ADAMTS6: variants seen among roughly 807,000 people sequenced by gnomAD.
ADAMTS6 encodes the protein ADAM metallopeptidase with thrombospondin type 1 motif 6.
Under a neutral mutation model 144.3 loss-of-function variants are expected in ADAMTS6, and 23 were observed. That is an observed-to-expected ratio of 0.16 (90% CI 0.11 to 0.23). ADAMTS6 has a LOEUF of 0.23. Among genes scored for constraint, ADAMTS6 ranks in the 10% least tolerant of loss-of-function variants. ADAMTS6 has a pLI of 1.00. For synonymous variants in ADAMTS6, 444 were observed against 457.5 expected, an observed-to-expected ratio of 0.97 and a Z score of 0.38; for missense variants, 999 against 1,379.6, an observed-to-expected ratio of 0.72 and a Z score of 4.37.
chr5:65,415,040 TAA>T (rs2150188463), intron 7 of ADAMTS6, among the ~76,000 whole-genome samples: 1 of 152,282 alleles, frequency 6.6e-6, no homozygotes, highest in South Asian at 2.1e-4. Flanking sequence ...TCAACAAAGT[TAA>T]AAGTCAATAT....
At chr5:65,302,826 G>GT (rs1459951597) in intron 9 of ADAMTS6, among the ~76,000 whole-genome samples, 1 of 151,990 alleles carries the variant, frequency 6.6e-6, no homozygotes, top group East Asian at 1.9e-4. Flanking sequence ...ACGTATCCCT[G>GT]TTTCATGTTA....
intron 21 of ADAMTS6, among the ~76,000 whole-genome samples, chr5:65,194,513 A>G (rs762748419): frequency 6.5e-4 from 99 of 152,202 alleles, no homozygotes; most frequent in Non-Finnish European, 1.1e-3. Flanking sequence ...AATGCATTTC[A>G]ACTTGCAATG....
intron 9 of ADAMTS6, among the ~76,000 whole-genome samples, chr5:65,302,103 A>AT (rs745459038): frequency 8.4e-6 from 1 of 118,622 alleles, no homozygotes; most frequent in African/African-American, 3.8e-5. Context: ...AAAAAAAAAA[A>AT]AAAAATATAT....
chr5:65,290,047 C>T (rs552709757), intron 11 of ADAMTS6, among the ~76,000 whole-genome samples: 8 of 152,110 alleles, frequency 5.3e-5, no homozygotes, highest in African/African-American at 1.7e-4. Flanking sequence ...TATAATCACA[C>T]ACAATCTTTC....
intron 7 of ADAMTS6, among the ~76,000 whole-genome samples, chr5:65,335,762 ATAGT>A (rs775714256): frequency 5.9e-5 from 9 of 152,158 alleles, no homozygotes; most frequent in Admixed American, 1.3e-4. Context: ...AAATGTAAAA[ATAGT>A]TAGAGTTACA....
intron 1 of ADAMTS6, among the ~76,000 whole-genome samples, chr5:65,478,382 T>C (rs1317859381): frequency 6.6e-6 from 1 of 152,340 alleles, no homozygotes; most frequent in African/African-American, 2.4e-5. Flanking sequence ...TTAAATTGTA[T>C]AGCAGAAACA....
chr5:65,426,659 T>C (rs962426666), intron 7 of ADAMTS6, among the ~76,000 whole-genome samples: 7 of 151,996 alleles, frequency 4.6e-5, no homozygotes, highest in Non-Finnish European at 5.9e-5. Context: ...CTTAAGAACT[T>C]GTAGATATGA....
chr5:65,470,988 C>G lies in ADAMTS6; in HGVS notation c.252G>C (p.Lys84Asn), dbSNP rs986805105. 6.2e-7 allele frequency: 1 copy of G among 1,612,968 alleles called. No individual in the cohort carries two copies. Among genetic ancestry groups the G allele is most frequent in the Non-Finnish European group, 8.5e-7 (1 of 1,179,590 alleles). Residue 84 changes from lysine to asparagine, a missense_variant, in exon 3 of 25, where the codon AAG (lysine) becomes AAC (asparagine). Around this residue, in one of 3 missense-constraint regions of ADAMTS6, gnomAD observed 252 missense variants for 293.7 expected, o/e 0.86. Coordinates refer to ENST00000381055, the MANE Select transcript of ADAMTS6 (RefSeq NM_197941.4). ...DPIDPQQAVS[K>N]LFFKLSAYGK... Reference sequence around the variant, plus strand: ...CATAGGCTGAAAGTTTAAAAAATAACTTAGATACTGCCTGCTGTGGATCAA... The same window carrying G: ...CATAGGCTGAAAGTTTAAAAAATAAGTTAGATACTGCCTGCTGTGGATCAA...
At chr5:65,351,830 A>G (rs1285571576) in intron 7 of ADAMTS6, among the ~76,000 whole-genome samples, 2 of 152,184 alleles carry the variant, frequency 1.3e-5, no homozygotes, top group African/African-American at 2.4e-5. Flanking sequence ...GAAGAAGAAG[A>G]AGGAAAAAAC....
At chr5:65,415,322 GAC>G (rs1246803677) in intron 7 of ADAMTS6, 1 of 154,316 alleles carries the variant, frequency 6.5e-6, no homozygotes, top group African/African-American at 2.4e-5. Flanking sequence ...TAACAAAAAA[GAC>G]ACAATAACCT....
intron 3 of ADAMTS6, among the ~76,000 whole-genome samples, chr5:65,461,685 G>A (rs1276309684): frequency 6.6e-6 from 1 of 152,196 alleles, no homozygotes; most frequent in Non-Finnish European, 1.5e-5. Context: ...TTCCATGGAA[G>A]TGCCCTCAGG....
intron 7 of ADAMTS6, among the ~76,000 whole-genome samples, chr5:65,356,053 T>C (rs1199853186): frequency 6.6e-6 from 1 of 151,646 alleles, no homozygotes; most frequent in Non-Finnish European, 1.5e-5. Context: ...ATGTTCAGAC[T>C]TTTTTTTCCT....
At position 65,466,910 on chromosome 5, in the gene ADAMTS6, C is replaced by T. The variant is rs137864281; in HGVS notation, c.462+3868G>A. Among the ~76,000 whole-genome samples the T allele has an allele frequency of 6.3e-3, 958 of 151,964 alleles. 14 individuals carry two copies. Among genetic ancestry groups the T allele is most frequent in the African/African-American group, 0.022 (899 of 41,446 alleles). ...ACAAAAAATTAGCCGGGCGTAGTGGCGGGAGCCTGTAGTCCCAGCTACTCG... is the reference window on the plus strand; with the variant it reads ...ACAAAAAATTAGCCGGGCGTAGTGGTGGGAGCCTGTAGTCCCAGCTACTCG... On this transcript the variant is annotated intron_variant, in intron 3 of 24. Coordinates refer to ENST00000381055, the MANE Select transcript of ADAMTS6 (RefSeq NM_197941.4).
intron 21 of ADAMTS6, among the ~76,000 whole-genome samples, chr5:65,196,490 T>G (rs1755373026): frequency 8.9e-6 from 1 of 112,346 alleles, no homozygotes; most frequent in African/African-American, 3.5e-5. Flanking sequence ...GCCACTGCAC[T>G]CCAGCCTGGG....
chr5:65,228,237 CAT>C (rs893411148), intron 15 of ADAMTS6, among the ~76,000 whole-genome samples: 1 of 139,166 alleles, frequency 7.2e-6, no homozygotes, highest in African/African-American at 3.0e-5. Flanking sequence ...GCATTTTGTG[CAT>C]TAGGCTTTAA....
Position 65,452,827 on chromosome 5 carries a change from T to C in ADAMTS6, c.723A>G (p.Arg241=). The change falls in exon 5 of 25, where the codon AGA becomes AGG. Residue 241 remains arginine (R), a synonymous_variant. Transcript: ENST00000381055. Reference sequence around the variant, plus strand: ...GTTCAATGCTCACTGATCTCTTCTGTCTGTGGTGGATATGTGTGTTGTTAA... The same window carrying C: ...GTTCAATGCTCACTGATCTCTTCTGCCTGTGGTGGATATGTGTGTTGTTAA... ...LPINNTHIHH[R]QKRSVSIERF... 1.9e-6 allele frequency: 3 copies of C among 1,614,138 alleles called. No homozygotes were observed. The highest frequency in any genetic ancestry group is 2.5e-6 in the Non-Finnish European group (3 of 1,179,980).
At chr5:65,411,596 T>C (rs1755057999) in intron 7 of ADAMTS6, among the ~76,000 whole-genome samples, 1 of 152,128 alleles carries the variant, frequency 6.6e-6, no homozygotes, top group Non-Finnish European at 1.5e-5. Context: ...AACCGGAGTA[T>C]GAGTGACGTG....
intron 7 of ADAMTS6, among the ~76,000 whole-genome samples, chr5:65,356,331 A>T (rs1289337183): frequency 6.6e-6 from 1 of 151,852 alleles, no homozygotes; most frequent in East Asian, 1.9e-4. Context: ...TCTCTTGAAA[A>T]CTAGCTGTCA....
chr5:65,386,748 C>T (rs1752505698), intron 7 of ADAMTS6, among the ~76,000 whole-genome samples: 1 of 152,046 alleles, frequency 6.6e-6, no homozygotes, highest in Admixed American at 6.5e-5. Context: ...CCACCACACC[C>T]ACTAATTTTT....
Sources: allele counts gnomAD v4.1 joint callset (sites outside exome capture counted in the v4.1 genomes callset), GRCh38; gene constraint gnomAD v4.1.1; regional missense constraint gnomAD v4.1.1; transcripts MANE v1.5; gene names NCBI Gene and HGNC (gene_info 2026-07-23, HGNC 2026-07-21).